CDH12: variants seen among roughly 807,000 people sequenced by gnomAD.
The protein encoded by CDH12 is cadherin 12.
CDH12 carries 41 observed loss-of-function variants against 74.1 expected under a neutral mutation model. The ratio of observed to expected loss-of-function variants is 0.55; its 90% confidence interval spans 0.43 to 0.72. The LOEUF is 0.72. Ranked by LOEUF, CDH12 falls within the 30% of genes least tolerant of loss-of-function variation. The pLI is 0.00. For missense variants in CDH12, 945 were observed against 977.2 expected, an observed-to-expected ratio of 0.97 and a Z score of 0.44; for synonymous variants, 399 against 355.0, an observed-to-expected ratio of 1.12 and a Z score of -1.39.
intron 6 of CDH12, among the ~76,000 whole-genome samples, chr5:21,939,964 T>C (rs1329962909): frequency 2.0e-5 from 3 of 152,140 alleles, no homozygotes; most frequent in Non-Finnish European, 4.4e-5. Context: ...CTCACACCTG[T>C]AATCCCAGCA....
intron 3 of CDH12, among the ~76,000 whole-genome samples, chr5:22,350,999 A>C (rs1740334413): frequency 6.6e-6 from 1 of 152,148 alleles, no homozygotes; most frequent in Admixed American, 6.5e-5. Flanking sequence ...ACAAGTTTTT[A>C]ATATAAAGCT....
At chr5:22,303,541 A>C (rs1364298601) in intron 3 of CDH12, among the ~76,000 whole-genome samples, 2 of 152,146 alleles carry the variant, frequency 1.3e-5, no homozygotes, top group African/African-American at 4.8e-5. Flanking sequence ...ATGTATCATA[A>C]AGATTCATTT....
chr5:21,945,626 C>G (rs2150094981), intron 6 of CDH12, among the ~76,000 whole-genome samples: 1 of 150,860 alleles, frequency 6.6e-6, no homozygotes, highest in Admixed American at 6.6e-5. Flanking sequence ...AATTAAAATA[C>G]AATAATGGAA....
chr5:21,853,273 G>A (rs1407661650), intron 7 of CDH12, among the ~76,000 whole-genome samples: 3 of 151,522 alleles, frequency 2.0e-5, no homozygotes, highest in Non-Finnish European at 4.4e-5. Context: ...ACATTTGACA[G>A]ACTGGCTTTT....
intron 3 of CDH12, among the ~76,000 whole-genome samples, chr5:22,323,342 T>C (rs1561312531): frequency 6.6e-6 from 1 of 152,162 alleles, no homozygotes; most frequent in Non-Finnish European, 1.5e-5. Flanking sequence ...TTATTGTTGC[T>C]CTTATAAAAA....
intron 4 of CDH12, among the ~76,000 whole-genome samples, chr5:22,152,952 A>G (rs1747695779): frequency 6.6e-6 from 1 of 152,046 alleles, no homozygotes; most frequent in Admixed American, 6.6e-5. Flanking sequence ...GTCCTTTTTT[A>G]AGGTTTAATA....
intron 8 of CDH12, among the ~76,000 whole-genome samples, chr5:21,826,610 T>C (rs969573024): frequency 6.6e-6 from 1 of 152,140 alleles, no homozygotes; most frequent in African/African-American, 2.4e-5. Flanking sequence ...GTCATTTCCA[T>C]CACTCCTAGG....
intron 1 of CDH12, among the ~76,000 whole-genome samples, chr5:22,623,850 T>A (rs190732831): frequency 6.6e-6 from 1 of 152,196 alleles, no homozygotes; most frequent in Admixed American, 6.5e-5. Context: ...AGAGCCCGCA[T>A]TGCCAAGACA....
At chr5:22,135,209 C>CAAAAA (rs5866550) in intron 4 of CDH12, among the ~76,000 whole-genome samples, 24 of 119,082 alleles carry the variant, frequency 2.0e-4, no homozygotes, top group Non-Finnish European at 2.8e-4. Context: ...AACACATAAG[C>CAAAAA]AAAAAAAAAA....
chr5:21,766,260 C>T (rs2149877684), intron 11 of CDH12, among the ~76,000 whole-genome samples: 1 of 152,112 alleles, frequency 6.6e-6, no homozygotes, highest in Middle Eastern at 3.4e-3. Flanking sequence ...CTGATATTCA[C>T]ATATGACAGT....
chr5:22,596,603 CA>C (rs1421143892), intron 1 of CDH12, among the ~76,000 whole-genome samples: 4 of 152,236 alleles, frequency 2.6e-5, no homozygotes, highest in South Asian at 2.1e-4. Flanking sequence ...GGCCAGAAAC[CA>C]TGACTGGTAT....
At chr5:22,830,260 G>T (rs1426437849) in intron 1 of CDH12, among the ~76,000 whole-genome samples, 1 of 151,956 alleles carries the variant, frequency 6.6e-6, no homozygotes, top group Non-Finnish European at 1.5e-5. Flanking sequence ...GAAAAGTTTT[G>T]TTTAATGTAT....
At chr5:22,114,550 T>C (rs1159509479) in intron 4 of CDH12, among the ~76,000 whole-genome samples, 1 of 152,170 alleles carries the variant, frequency 6.6e-6, no homozygotes. Flanking sequence ...CAATTGTTTA[T>C]TGAGAATAAA....
At chr5:22,728,832 A>G (rs1208092736) in intron 1 of CDH12, among the ~76,000 whole-genome samples, 1 of 151,670 alleles carries the variant, frequency 6.6e-6, no homozygotes, top group African/African-American at 2.4e-5. Context: ...TGAGCCCTCC[A>G]CCGTCATGAC....
chr5:22,541,819 T>C (rs1411759411), intron 1 of CDH12, among the ~76,000 whole-genome samples: 2 of 152,192 alleles, frequency 1.3e-5, no homozygotes, highest in Non-Finnish European at 2.9e-5. Flanking sequence ...ATTTGGGATG[T>C]TTCCAAAGAT....
At chr5:22,820,327 T>C (rs976848524) in intron 1 of CDH12, among the ~76,000 whole-genome samples, 1 of 152,044 alleles carries the variant, frequency 6.6e-6, no homozygotes, top group African/African-American at 2.4e-5. Flanking sequence ...CATCGTGAGT[T>C]CTCATGTGTT....
chr5:21,893,144 C>T (rs1168590370), intron 6 of CDH12, among the ~76,000 whole-genome samples: 2 of 152,046 alleles, frequency 1.3e-5, no homozygotes, highest in Admixed American at 6.6e-5. Context: ...TCATTTGTAC[C>T]GCACTGTAAA....
At chr5:21,982,583 T>G (rs181128812) in intron 5 of CDH12, among the ~76,000 whole-genome samples, 359 of 151,860 alleles carry the variant, frequency 2.4e-3, no homozygotes, top group African/African-American at 8.3e-3. Flanking sequence ...CATCTATATA[T>G]AGAGAGATCT....
At chr5:22,299,710 T>A (rs2150418833) in intron 3 of CDH12, among the ~76,000 whole-genome samples, 1 of 152,290 alleles carries the variant, frequency 6.6e-6, no homozygotes, top group African/African-American at 2.4e-5. Context: ...TATGCCTTAT[T>A]CCAGCTGTTA....
Sources: gnomAD v4.1 joint callset for allele counts (sites outside exome capture counted in the v4.1 genomes callset) on GRCh38, gnomAD v4.1.1 for gene constraint, MANE v1.5 for transcripts, NCBI Gene and HGNC (gene_info 2026-07-23, HGNC 2026-07-21) for gene names.